Variants in PXDNL observed in about 807,000 individuals in gnomAD.
The protein encoded by PXDNL is peroxidasin like.
In PXDNL, 145 loss-of-function variants were observed where a neutral mutation model predicts 150.8. The ratio of observed to expected loss-of-function variants is 0.96; its 90% CI spans 0.84 to 1.10. The LOEUF is 1.10. Among genes scored for constraint, PXDNL ranks in the 50% least tolerant of loss-of-function variants. The pLI, the probability that PXDNL is intolerant of heterozygous loss-of-function variation, is 0.00. For missense variants in PXDNL, 2,087 were observed against 1,873.9 expected (o/e 1.11, Z -2.10); for synonymous variants, 757 against 725.7 (o/e 1.04, Z -0.69).
intron 1 of PXDNL, among the ~76,000 whole-genome samples, chr8:51,762,030 T>C (rs932856420): frequency 2.0e-5 from 3 of 152,190 alleles, no homozygotes; most frequent in African/African-American, 7.2e-5. Flanking sequence ...AATGAGTAAA[T>C]AGGACTCTGC....
chr8:51,463,618 G>A (rs1186926327), intron 8 of PXDNL, among the ~76,000 whole-genome samples: 1 of 152,150 alleles, frequency 6.6e-6, no homozygotes, highest in African/African-American at 2.4e-5. Flanking sequence ...AACCAGACTT[G>A]ATAGATAGCT....
chr8:51,553,332 G>A (rs1212238335), intron 4 of PXDNL, among the ~76,000 whole-genome samples: 3 of 152,158 alleles, frequency 2.0e-5, no homozygotes, highest in African/African-American at 4.8e-5. Context: ...CATTGTACTC[G>A]TATGGACTGT....
At chr8:51,334,935 G>A (rs891139730) in intron 21 of PXDNL, among the ~76,000 whole-genome samples, 1 of 152,144 alleles carries the variant, frequency 6.6e-6, no homozygotes, top group African/African-American at 2.4e-5. Flanking sequence ...CCTTACGTAT[G>A]TCATAACCTA....
chr8:51,349,828 A>T (rs1457652566), intron 19 of PXDNL, among the ~76,000 whole-genome samples: 1 of 152,216 alleles, frequency 6.6e-6, no homozygotes, highest in African/African-American at 2.4e-5. Context: ...CATTCCATAG[A>T]TTAAAAATAT....
intron 4 of PXDNL, among the ~76,000 whole-genome samples, chr8:51,519,516 G>A (rs957816799): frequency 6.6e-6 from 1 of 151,896 alleles, no homozygotes; most frequent in African/African-American, 2.4e-5. Flanking sequence ...CTGGGCAACA[G>A]AGTGAGACAC....
At chr8:51,539,349 A>G (rs765064208) in intron 4 of PXDNL, among the ~76,000 whole-genome samples, 1 of 151,942 alleles carries the variant, frequency 6.6e-6, no homozygotes, top group African/African-American at 2.4e-5. Flanking sequence ...TCTTTTTCTT[A>G]TATTGCTGAA....
chr8:51,429,250 G>C (rs1809190401), intron 12 of PXDNL, among the ~76,000 whole-genome samples: 1 of 152,298 alleles, frequency 6.6e-6, no homozygotes, highest in Admixed American at 6.5e-5. Context: ...AGATGGTACA[G>C]ACACTCTGGA....
intron 2 of PXDNL, among the ~76,000 whole-genome samples, chr8:51,608,836 C>CTAAAAA (rs1813933264): frequency 1.7e-5 from 1 of 59,596 alleles, no homozygotes; most frequent in African/African-American, 5.7e-5. Context: ...GACTCTGTCT[C>CTAAAAA]AAAAAAAAAA....
At chr8:51,393,754 G>A (rs1356645869) in intron 17 of PXDNL, among the ~76,000 whole-genome samples, 1 of 152,226 alleles carries the variant, frequency 6.6e-6, no homozygotes, top group Non-Finnish European at 1.5e-5. Context: ...AAGGGAATAG[G>A]AGAGTGAAAA....
chr8:51,446,853 T>C (rs920632011), intron 12 of PXDNL, 151 bp downstream of exon 12: 3 of 472,314 alleles, frequency 6.4e-6, no homozygotes, highest in African/African-American at 2.0e-5. Flanking sequence ...AAAAGACTGA[T>C]TGGAAGAAGA....
intron 1 of PXDNL, among the ~76,000 whole-genome samples, chr8:51,675,741 C>T (rs1317793852): frequency 7.2e-6 from 1 of 138,578 alleles, no homozygotes; most frequent in Non-Finnish European, 1.5e-5. Context: ...TGCAGTGAGC[C>T]GAGATCACAC....
chr8:51,438,826 G>A (rs1267048546), intron 12 of PXDNL, among the ~76,000 whole-genome samples: 2 of 152,194 alleles, frequency 1.3e-5, no homozygotes, highest in Non-Finnish European at 2.9e-5. Context: ...AGTGGGGAAA[G>A]GATACCCTAT....
intron 1 of PXDNL, among the ~76,000 whole-genome samples, chr8:51,687,909 A>G (rs1201341440): frequency 6.6e-6 from 1 of 152,212 alleles, no homozygotes; most frequent in Non-Finnish European, 1.5e-5. Context: ...AGCCCTCAGC[A>G]TATTTCCAGC....
At chr8:51,519,057 G>C (rs1811602920) in intron 4 of PXDNL, among the ~76,000 whole-genome samples, 1 of 152,226 alleles carries the variant, frequency 6.6e-6, no homozygotes, top group Non-Finnish European at 1.5e-5. Flanking sequence ...CATTAGGAAA[G>C]TGAAAGTACT....
intron 20 of PXDNL, among the ~76,000 whole-genome samples, chr8:51,341,079 G>T (rs938059393): frequency 6.6e-6 from 1 of 152,174 alleles, no homozygotes; most frequent in Admixed American, 6.5e-5. Context: ...AATATGTGTG[G>T]GTATGGGCCA....
chr8:51,655,506 C>T (rs1815131413), intron 1 of PXDNL, among the ~76,000 whole-genome samples: 1 of 152,110 alleles, frequency 6.6e-6, no homozygotes, highest in Admixed American at 6.6e-5. Flanking sequence ...CAAACAAATG[C>T]CATGCACACT....
In PXDNL at chr8:51,467,218, A is replaced by C. The variant is rs181502277; in HGVS notation, c.812+4969T>G. 1.1e-3 allele frequency among the ~76,000 whole-genome samples: 160 copies of C among 152,278 alleles called. 1 individual carries two copies. Among genetic ancestry groups the C allele is most frequent in the African/African-American group, 3.5e-3 (147 of 41,578 alleles). Reference sequence around the variant, plus strand: ...GAATACTGTGCAGCCATAAAAAAGAATGGAATCATGTCCTTTGCAACAACT... The same window carrying C: ...GAATACTGTGCAGCCATAAAAAAGACTGGAATCATGTCCTTTGCAACAACT... On this transcript the variant is annotated intron_variant, in intron 8 of 22. Coordinates refer to ENST00000356297, the MANE Select transcript of PXDNL (RefSeq NM_144651.5).
At chr8:51,338,632 G>T (rs901031685) in intron 21 of PXDNL, among the ~76,000 whole-genome samples, 9 of 152,230 alleles carry the variant, frequency 5.9e-5, no homozygotes, top group Non-Finnish European at 1.3e-4. Flanking sequence ...ACCTCACAGT[G>T]ACATTACTGT....
intron 16 of PXDNL, among the ~76,000 whole-genome samples, chr8:51,410,428 T>G (rs991124962): frequency 6.6e-6 from 1 of 152,234 alleles, no homozygotes. Context: ...ATCTTGGGTA[T>G]CTGGATATTT....
Sources: allele counts gnomAD v4.1 joint callset (sites outside exome capture counted in the v4.1 genomes callset), GRCh38; gene constraint gnomAD v4.1.1; transcripts MANE v1.5; gene names NCBI Gene and HGNC (gene_info 2026-07-23, HGNC 2026-07-21).